Variants in ERC2 observed in about 807,000 individuals in gnomAD.
ERC2 encodes the protein ERC protein 2.
In ERC2, 42 loss-of-function variants were observed where a neutral mutation model predicts 114.8. That is an observed-to-expected ratio of 0.37 (90% CI 0.29 to 0.47). The LOEUF (loss-of-function observed/expected upper bound fraction) is 0.47, where lower values mean the gene tolerates loss of function less well. Ranked by LOEUF, ERC2 falls within the 20% of genes least tolerant of loss-of-function variation. The pLI is 0.99. For synonymous variants in ERC2, 454 were observed against 425.5 expected, an observed-to-expected ratio of 1.07 and a Z score of -0.82; for missense variants, 939 against 1,150.7, an observed-to-expected ratio of 0.82 and a Z score of 2.66.
intron 3 of ERC2, among the ~76,000 whole-genome samples, chr3:56,292,618 A>G (rs563920256): frequency 6.6e-6 from 1 of 151,944 alleles, no homozygotes; most frequent in African/African-American, 2.4e-5. Context: ...AAAAGAAAAG[A>G]AAAGGGACAT....
intron 2 of ERC2, among the ~76,000 whole-genome samples, chr3:56,367,060 T>C (rs1168398584): frequency 1.3e-5 from 2 of 152,214 alleles, no homozygotes; most frequent in African/African-American, 2.4e-5. Context: ...GGATTATATG[T>C]AAGTCTAATT....
At chr3:56,094,852 T>G (rs2077970183) in intron 6 of ERC2, among the ~76,000 whole-genome samples, 2 of 152,228 alleles carry the variant, frequency 1.3e-5, no homozygotes, top group Admixed American at 1.3e-4. Flanking sequence ...ACTGAAAACT[T>G]ACTTTCATTT....
At chr3:55,990,005 A>G (rs1217953317) in intron 11 of ERC2, among the ~76,000 whole-genome samples, 2 of 152,160 alleles carry the variant, frequency 1.3e-5, no homozygotes, top group Non-Finnish European at 2.9e-5. Flanking sequence ...AGGTCATTTA[A>G]CTTTTCAAGA....
chr3:56,356,205 T>C (rs1284095816), intron 2 of ERC2, among the ~76,000 whole-genome samples: 1 of 152,236 alleles, frequency 6.6e-6, no homozygotes, highest in Non-Finnish European at 1.5e-5. Flanking sequence ...TAGTCACATT[T>C]AGAATCCACC....
intron 14 of ERC2, among the ~76,000 whole-genome samples, chr3:55,871,869 C>T (rs535355984): frequency 6.6e-6 from 1 of 152,240 alleles, no homozygotes; most frequent in East Asian, 1.9e-4. Context: ...AGGGTTTCAA[C>T]TCTAGGGGGA....
At chr3:56,127,082 T>TA (rs1240193021) in intron 6 of ERC2, among the ~76,000 whole-genome samples, 2 of 151,900 alleles carry the variant, frequency 1.3e-5, no homozygotes, top group East Asian at 1.9e-4. Context: ...ACAATAGCTG[T>TA]AAAAAAATAT....
At chr3:55,880,977 G>C (rs1045489164) in intron 14 of ERC2, among the ~76,000 whole-genome samples, 2 of 151,866 alleles carry the variant, frequency 1.3e-5, no homozygotes, top group African/African-American at 2.4e-5. Context: ...AGATCTCTGT[G>C]GGCTAGCACA....
chr3:56,406,579 T>C (rs1332429644), intron 2 of ERC2, among the ~76,000 whole-genome samples: 1 of 152,232 alleles, frequency 6.6e-6, no homozygotes, highest in Non-Finnish European at 1.5e-5. Context: ...CACCATCTTG[T>C]AATTCCTAAT....
intron 2 of ERC2, among the ~76,000 whole-genome samples, chr3:56,336,318 T>G (rs187477896): frequency 2.8e-4 from 42 of 152,292 alleles, no homozygotes; most frequent in African/African-American, 1.0e-3. Context: ...TATCAAGTGT[T>G]GTGGTTGGAA....
chr3:55,862,335 G>T (rs992109036), intron 14 of ERC2, among the ~76,000 whole-genome samples: 11 of 152,114 alleles, frequency 7.2e-5, no homozygotes, highest in Non-Finnish European at 1.3e-4. Context: ...ACATAGCAAA[G>T]GTCCTTGGAA....
chr3:56,211,527 T>C lies in ERC2; in HGVS notation c.1075-38007A>G, dbSNP rs142371665. ...CAATATCATGATTAATTCTACACAA[T>C]AGCAATCTACAAATTCAATGCAATT... On this transcript the variant is annotated intron_variant, in intron 3 of 17. Coordinates refer to ENST00000288221, the MANE Select transcript of ERC2 (RefSeq NM_015576.3). Among the ~76,000 whole-genome samples, 1,383 of 151,874 alleles carry C rather than the reference T, an allele frequency of 9.1e-3. 7 individuals carry two copies. The highest frequency in any genetic ancestry group is 0.014 in the Non-Finnish European group (954 of 67,812).
chr3:56,033,946 T>C (rs2074632639), intron 7 of ERC2, among the ~76,000 whole-genome samples: 1 of 152,110 alleles, frequency 6.6e-6, no homozygotes, highest in Non-Finnish European at 1.5e-5. Context: ...CAGTAAGTCC[T>C]TACCTATAAA....
intron 1 of ERC2, among the ~76,000 whole-genome samples, chr3:56,462,187 T>C (rs187805971): frequency 4.9e-4 from 75 of 152,298 alleles, no homozygotes; most frequent in African/African-American, 1.7e-3. Flanking sequence ...GAAATAGTGA[T>C]TCATATCTCA....
intron 4 of ERC2, among the ~76,000 whole-genome samples, chr3:56,171,658 TA>T (rs539670405): frequency 8.3e-4 from 127 of 152,186 alleles, no homozygotes; most frequent in African/African-American, 3.0e-3. Context: ...TTTTTATTTA[TA>T]AATTTTTTTA....
At chr3:56,101,214 T>C (rs1477664711) in intron 6 of ERC2, among the ~76,000 whole-genome samples, 1 of 152,108 alleles carries the variant, frequency 6.6e-6, no homozygotes, top group Non-Finnish European at 1.5e-5. Flanking sequence ...CTGGTGCGCC[T>C]CCAGCCTGCA....
At chr3:55,974,037 C>T (rs2069382077) in intron 12 of ERC2, among the ~76,000 whole-genome samples, 1 of 152,130 alleles carries the variant, frequency 6.6e-6, no homozygotes, top group East Asian at 1.9e-4. Flanking sequence ...GGAAAGAAAT[C>T]CCACTCTCTC....
intron 14 of ERC2, among the ~76,000 whole-genome samples, chr3:55,803,168 C>A (rs2059368867): frequency 6.6e-6 from 1 of 152,184 alleles, no homozygotes; most frequent in Non-Finnish European, 1.5e-5. Context: ...ATTCTTCTCT[C>A]TAAGCCTTGA....
In ERC2 at chr3:56,147,707, T is replaced by A. The variant is rs549010583; in HGVS notation, c.1305+1270A>T. ...AAAACCTAGAACAAGAGAACAGGCA[T>A]ATTTAAGAGCAAGTGGTAGAAAAAG... On this transcript the variant is annotated intron_variant, in intron 5 of 17. Transcript: ENST00000288221. Among the ~76,000 whole-genome samples the A allele has an allele frequency of 1.1e-4, 16 of 152,236 alleles. No individual in the cohort carries two copies. In the South Asian group the frequency reaches 3.3e-3, roughly 32 times the overall value.
chr3:55,952,179 ACTCTCT>A lies in ERC2; in HGVS notation c.2268-1625_2268-1620del, dbSNP rs775838556. On this transcript the variant is annotated intron_variant, in intron 12 of 17. Coordinates refer to ENST00000288221, the MANE Select transcript of ERC2 (RefSeq NM_015576.3). ...CACACACACACACACACACACACAC[ACTCTCT>A]CTCTCTCTCTCTCTATATATATATA... Among the ~76,000 whole-genome samples the A allele has an allele frequency of 1.2e-3, 77 of 62,096 alleles. 1 individual carries two copies. The highest frequency in any genetic ancestry group is 3.5e-3 in the African/African-American group (63 of 18,236). 40.7% of individuals were successfully genotyped at this position (62,096 alleles called of 152,430 possible).
Sources: gnomAD v4.1 joint callset for allele counts (sites outside exome capture counted in the v4.1 genomes callset) on GRCh38, gnomAD v4.1.1 for gene constraint, MANE v1.5 for transcripts, NCBI Gene and HGNC (gene_info 2026-07-23, HGNC 2026-07-21) for gene names.